The following LYZL2 variants were observed in gnomAD, a reference collection of about 807,000 sequenced individuals.
LYZL2 encodes lysozyme-like protein 2.
Under a neutral mutation model 17.1 loss-of-function variants are expected in LYZL2, and 13 were observed. That is an observed-to-expected ratio of 0.76 (90% CI 0.49 to 1.21). LYZL2 has a LOEUF of 1.21. LYZL2 is among the 50% of genes most tolerant of loss of function. LYZL2 has a pLI of 0.00. For missense variants in LYZL2, 166 were observed against 189.2 expected (o/e 0.88, Z 0.72); for synonymous variants, 63 against 74.4 (o/e 0.85, Z 0.79).
chr10:30,619,265 G>A (rs1425155195), intron 3 of LYZL2, among the ~76,000 whole-genome samples: 7 of 152,218 alleles, frequency 4.6e-5, no homozygotes, highest in Admixed American at 4.6e-4. Flanking sequence ...GGAAGTCAGT[G>A]TGGCAATTCC....
At chr10:30,624,215 G>C (rs59153252) in intron 3 of LYZL2, among the ~76,000 whole-genome samples, 2,292 of 152,236 alleles carry the variant, frequency 0.015, 53 homozygotes, top group African/African-American at 0.052. Flanking sequence ...CACACAGTTG[G>C]CGTCAATGGA....
At position 30,613,186 on chromosome 10, in the gene LYZL2, A is replaced by G. The variant is rs117527787; in HGVS notation, c.299-286T>C. Among the ~76,000 whole-genome samples, 721 of 152,302 alleles carry G rather than the reference A, an allele frequency of 4.7e-3. 3 individuals carry two copies. The highest frequency in any genetic ancestry group is 7.9e-3 in the Non-Finnish European group (535 of 68,020). On this transcript the variant is annotated intron_variant, in intron 3 of 4. Transcript: ENST00000647634. The stretch of plus-strand genomic sequence containing the variant: ...TGTTTAGAGAAGACGCTATGTGAAA[A>G]TGTTCCTTATGTCCTACAGAAATAG...
At chr10:30,620,495 C>A (rs1838603392) in intron 3 of LYZL2, among the ~76,000 whole-genome samples, 1 of 152,210 alleles carries the variant, frequency 6.6e-6, no homozygotes, top group South Asian at 2.1e-4. Context: ...TTACTTTATG[C>A]TACATCTCCT....
downstream of LYZL2, among the ~76,000 whole-genome samples, chr10:30,609,683 A>G (rs1449163546): frequency 6.6e-6 from 1 of 152,222 alleles, no homozygotes; most frequent in South Asian, 2.1e-4. Flanking sequence ...TAATGTGGCC[A>G]TGGGGAGAAA....
intron 2 of LYZL2, 32 bp downstream of exon 2, chr10:30,626,745 A>G (rs1303754550): frequency 1.2e-6 from 2 of 1,613,688 alleles, no homozygotes; most frequent in East Asian, 4.5e-5. Flanking sequence ...AAGGTCAAGG[A>G]CAGAAAGAGA....
downstream of LYZL2, among the ~76,000 whole-genome samples, chr10:30,611,582 A>G (rs796166021): frequency 4.0e-3 from 349 of 88,318 alleles, no homozygotes; most frequent in South Asian, 0.016. Flanking sequence ...AAAGAAAGAA[A>G]GAAAGAAAGA....
chr10:30,620,572 C>G (rs146354739), intron 3 of LYZL2, among the ~76,000 whole-genome samples: 1 of 152,142 alleles, frequency 6.6e-6, no homozygotes, highest in African/African-American at 2.4e-5. Context: ...TCACAAGAGC[C>G]GTCAACACAT....
intron 2 of LYZL2, among the ~76,000 whole-genome samples, 183 bp from the exon 3 acceptor site, chr10:30,626,446 C>G (rs1838708400): frequency 6.6e-6 from 1 of 152,224 alleles, no homozygotes; most frequent in Non-Finnish European, 1.5e-5. Flanking sequence ...TGGGATGGCA[C>G]ACCTGAAGCT....
chr10:30,620,498 C>T (rs1245358992), intron 3 of LYZL2, among the ~76,000 whole-genome samples: 1 of 152,238 alleles, frequency 6.6e-6, no homozygotes, highest in Non-Finnish European at 1.5e-5. Context: ...CTTTATGCTA[C>T]ATCTCCTTTG....
At chr10:30,617,060 C>T (rs1313192252) in intron 3 of LYZL2, among the ~76,000 whole-genome samples, 10 of 152,064 alleles carry the variant, frequency 6.6e-5, no homozygotes, top group Non-Finnish European at 2.9e-5. Flanking sequence ...TGGAAGTGGT[C>T]TAGCGTATTT....
chr10:30,612,095 T>C, intron 4 of LYZL2, 71 bp from the exon 5 acceptor site: 17 of 1,572,608 alleles, frequency 1.1e-5, no homozygotes, highest in Non-Finnish European at 1.5e-5. Flanking sequence ...TTTCAAAGTC[T>C]ACAGAAATTA....
chr10:30,611,295 G>A (rs1164149064), downstream of LYZL2, among the ~76,000 whole-genome samples: 1 of 151,874 alleles, frequency 6.6e-6, no homozygotes, highest in Non-Finnish European at 1.5e-5. Flanking sequence ...GCCAAGGTGG[G>A]CAGATCACCT....
chr10:30,611,530 A>AGAAGGAAGAAAG (rs1838434007), downstream of LYZL2, among the ~76,000 whole-genome samples: 1 of 80,388 alleles, frequency 1.2e-5, no homozygotes, highest in Non-Finnish European at 2.4e-5. Context: ...GGAAAAAGAA[A>AGAAGGAAGAAAG]GAAGGAAGGA....
chr10:30,607,494 C>T (rs536848038), downstream of LYZL2, among the ~76,000 whole-genome samples: 2 of 152,172 alleles, frequency 1.3e-5, no homozygotes, highest in South Asian at 4.2e-4. Context: ...TCTTCTCTTT[C>T]TGTTACTGGA....
rs150025435 is a variant in LYZL2 at position 30,626,905 on chromosome 10, G to T, written c.11C>A (p.Ala4Glu). 5.5e-5 allele frequency: 89 copies of T among 1,613,128 alleles called. No homozygotes were observed. In the African/African-American group the frequency reaches 6.9e-4, roughly 13 times the overall value. Reference sequence around the variant, plus strand: ...GCAGCCAATGAGGGTCAGAATGCCCGCAGCCTTCATCCTCAAAGCCTGCCG... The same window carrying T: ...GCAGCCAATGAGGGTCAGAATGCCCTCAGCCTTCATCCTCAAAGCCTGCCG... The part of the protein sequence containing the change: MKA[A>E]GILTLIGCLV... The change falls in exon 2 of 5, where the codon GCG becomes GAG. Residue 4 changes from alanine to glutamate, a missense_variant. Ala to Glu is a moderately radical substitution (Grantham distance 107). Coordinates refer to ENST00000647634, the MANE Select transcript of LYZL2 (RefSeq NM_183058.3).
chr10:30,622,646 C>A (rs553727037), intron 3 of LYZL2, among the ~76,000 whole-genome samples: 2 of 152,168 alleles, frequency 1.3e-5, no homozygotes, highest in Admixed American at 6.5e-5. Context: ...AACCCACAGG[C>A]CAATCTCCCG....
At chr10:30,624,402 G>C (rs1838671165) in intron 3 of LYZL2, among the ~76,000 whole-genome samples, 1 of 152,206 alleles carries the variant, frequency 6.6e-6, no homozygotes, top group Non-Finnish European at 1.5e-5. Flanking sequence ...CTAGAAGGCA[G>C]TCCTCTCCCG....
chr10:30,612,728 G>C (rs45574239), intron 4 of LYZL2, 94 bp downstream of exon 4: 32,964 of 925,062 alleles, frequency 0.036, 1,249 homozygotes, highest in African/African-American at 0.16. Context: ...ACCACTCTGC[G>C]GAGGTGAGTT....
Position 30,622,343 on chromosome 10 carries a change from G to A in LYZL2, c.298+3762C>T, listed in dbSNP as rs1035457785. The stretch of plus-strand genomic sequence containing the variant: ...AGGCAGATCACAAGGTCAGGAGATC[G>A]AGACCATCCTGGCTGACACAGTGAA... On this transcript the variant is annotated intron_variant, in intron 3 of 4. Coordinates refer to ENST00000647634, the MANE Select transcript of LYZL2 (RefSeq NM_183058.3). Among the ~76,000 whole-genome samples the A allele has an allele frequency of 2.0e-5, 3 of 151,966 alleles. No individual in the cohort carries two copies. The East Asian group carries it at 5.8e-4, about 29-fold the overall frequency.
Sources: allele counts gnomAD v4.1 joint callset (sites outside exome capture counted in the v4.1 genomes callset), GRCh38; gene constraint gnomAD v4.1.1; transcripts MANE v1.5; gene names NCBI Gene and HGNC (gene_info 2026-07-23, HGNC 2026-07-21).